TRAPPC11: variants seen among roughly 807,000 people sequenced by gnomAD.
TRAPPC11 encodes the protein foie gras homolog.
TRAPPC11 carries 104 observed loss-of-function variants against 151.2 expected under a neutral mutation model. The ratio of observed to expected loss-of-function variants is 0.69; its 90% CI spans 0.59 to 0.81. The LOEUF (loss-of-function observed/expected upper bound fraction) is 0.81, where lower values mean the gene tolerates loss of function less well. Among genes scored for constraint, TRAPPC11 ranks in the 30% least tolerant of loss-of-function variants. TRAPPC11 has a pLI of 0.00. For synonymous variants in TRAPPC11, 456 were observed against 472.3 expected, an observed-to-expected ratio of 0.97 and a Z score of 0.45; for missense variants, 1,230 against 1,349.6, an observed-to-expected ratio of 0.91 and a Z score of 1.39.
chr4:183,675,374 A>T, intron 7 of TRAPPC11, 137 bp downstream of exon 7: 1 of 432,656 alleles, frequency 2.3e-6, no homozygotes, highest in South Asian at 9.9e-5. Flanking sequence ...TAGTGTAGAG[A>T]TGAATGGAGT....
At position 183,697,483 on chromosome 4, in the gene TRAPPC11, C is replaced by T. The variant is rs2111077816; in HGVS notation, c.2629-20C>T. On this transcript the variant is annotated intron_variant, in intron 23 of 29. Transcript: ENST00000334690. ...AAGATTTAGAAAATCCATGAATGTG[C>T]CCTTTACATTTTCTTGCAGGATGAA... is the stretch of plus-strand genomic sequence containing the variant. 1 of 1,591,464 alleles carries T rather than the reference C, an allele frequency of 6.3e-7. No homozygotes were observed. Among genetic ancestry groups the T allele is most frequent in the Middle Eastern group, 1.7e-4 (1 of 5,990 alleles).
chr4:183,693,228 C>T (rs1160238648), intron 20 of TRAPPC11, 81 bp downstream of exon 20: 2 of 1,334,022 alleles, frequency 1.5e-6, no homozygotes, highest in African/African-American at 1.5e-5. Flanking sequence ...GAGTCTCTCT[C>T]TTGTCCAGGC....
chr4:183,684,987 G>A (rs914220970), intron 15 of TRAPPC11, 97 bp from the exon 16 acceptor site: 5 of 1,319,674 alleles, frequency 3.8e-6, no homozygotes, highest in Non-Finnish European at 5.3e-6. Flanking sequence ...ATCTTAAAGA[G>A]GTATTTATTA....
At chr4:183,703,648 A>C (rs973760779) in intron 26 of TRAPPC11, among the ~76,000 whole-genome samples, 4 of 152,058 alleles carry the variant, frequency 2.6e-5, no homozygotes, top group African/African-American at 9.7e-5. Context: ...AGGTGGGAGG[A>C]TCGCTGGAGC....
intron 27 of TRAPPC11, 98 bp from the exon 28 acceptor site, chr4:183,706,709 T>C: frequency 1.5e-6 from 2 of 1,323,976 alleles, no homozygotes; most frequent in Non-Finnish European, 2.1e-6. Context: ...TTAATTTAAA[T>C]GATACTATGT....
chr4:183,666,201 A>G (rs555151656), intron 2 of TRAPPC11, 56 bp from the exon 3 acceptor site: 1 of 1,535,884 alleles, frequency 6.5e-7, no homozygotes, highest in East Asian at 2.3e-5. Context: ...GGCACTCAGT[A>G]ACAGGTGGTT....
rs989405308 is a variant in TRAPPC11 at position 183,672,573 on chromosome 4, A to C, written c.561-2140A>C. 2.6e-5 allele frequency among the ~76,000 whole-genome samples: 4 copies of C among 152,220 alleles called. No individual in the cohort carries two copies. The East Asian group carries it at 5.8e-4, about 22-fold the overall frequency. ...TAAGCCTCAAATAATAAAGAAGTGTATGAATTAAAAAGTGGAAGCCTTACA... is the reference window on the plus strand; with the variant it reads ...TAAGCCTCAAATAATAAAGAAGTGTCTGAATTAAAAAGTGGAAGCCTTACA... On this transcript the variant is annotated intron_variant, in intron 5 of 29. Coordinates refer to ENST00000334690, the MANE Select transcript of TRAPPC11 (RefSeq NM_021942.6).
chr4:183,683,930 T>G, intron 11 of TRAPPC11, 45 bp from the exon 12 acceptor site: 1 of 1,469,136 alleles, frequency 6.8e-7, no homozygotes, highest in Non-Finnish European at 9.5e-7. Flanking sequence ...TGAAGATTTA[T>G]ATTAAATGAG....
At chr4:183,706,491 C>A (rs1337998881) in intron 27 of TRAPPC11, among the ~76,000 whole-genome samples, 1 of 151,496 alleles carries the variant, frequency 6.6e-6, no homozygotes, top group Non-Finnish European at 1.5e-5. Context: ...CCACTGCACT[C>A]CAGCCTGGGT....
chr4:183,677,674 C>T (rs1735481373), intron 8 of TRAPPC11, 120 bp downstream of exon 8: 2 of 645,220 alleles, frequency 3.1e-6, no homozygotes, highest in South Asian at 2.0e-5. Flanking sequence ...TAATTATGAT[C>T]TCCCCTTTTA....
chr4:183,660,653 G>A lies in TRAPPC11; in HGVS notation c.-22+1206G>A, dbSNP rs76953373. 4.8e-3 allele frequency among the ~76,000 whole-genome samples: 725 copies of A among 152,260 alleles called. 8 individuals carry two copies. Among genetic ancestry groups the A allele is most frequent in the African/African-American group, 0.017 (701 of 41,558 alleles). Reference sequence around the variant, plus strand: ...GCCTCTGGAGTTATTACAGGAAATGGCCTCTAGTCTAGACTCGTTCATATT... The same window carrying A: ...GCCTCTGGAGTTATTACAGGAAATGACCTCTAGTCTAGACTCGTTCATATT... On this transcript the variant is annotated intron_variant, in intron 1 of 29. Coordinates refer to ENST00000334690, the MANE Select transcript of TRAPPC11 (RefSeq NM_021942.6).
chr4:183,689,579 T>C (rs1354430897), intron 18 of TRAPPC11, among the ~76,000 whole-genome samples: 3 of 152,074 alleles, frequency 2.0e-5, no homozygotes, highest in South Asian at 4.2e-4. Context: ...CAGGGGTTTT[T>C]TTTGTTTGTT....
intron 20 of TRAPPC11, 55 bp downstream of exon 20, chr4:183,693,202 ATTT>A: frequency 6.8e-7 from 1 of 1,477,160 alleles, no homozygotes; most frequent in Non-Finnish European, 9.1e-7. Flanking sequence ...TTCTTTTGCT[ATTT>A]TTTTTGGAGA....
intron 27 of TRAPPC11, 54 bp from the exon 28 acceptor site, chr4:183,706,753 A>C (rs1737093803): frequency 7.0e-6 from 11 of 1,575,774 alleles, no homozygotes; most frequent in Non-Finnish European, 8.6e-6. Flanking sequence ...AAACGAAGCC[A>C]TAAGTGGGGA....
At chr4:183,664,321 T>C (rs1372736363) in intron 2 of TRAPPC11, among the ~76,000 whole-genome samples, 1 of 152,126 alleles carries the variant, frequency 6.6e-6, no homozygotes, top group African/African-American at 2.4e-5. Flanking sequence ...CCCTTTTTTG[T>C]TTTTAGGAAA....
At position 183,693,033 on chromosome 4, in the gene TRAPPC11, G is replaced by C; in HGVS notation, c.2123G>C (p.Gly708Ala). 1 of 1,613,770 alleles carries C rather than the reference G, an allele frequency of 6.2e-7. No individual in the cohort carries two copies. Among genetic ancestry groups the C allele is most frequent in the Non-Finnish European group, 8.5e-7 (1 of 1,179,834 alleles). ...GTTTTAAATTGGCAGGGAGGAGGAG[G>C]AGATGCTGCTTCCTCCCAAGAAGCC... The part of the protein sequence containing the change: ...CVVLNWQGGG[G>A]DAASSQEALQ... Residue 708 changes from glycine (G) to alanine (A), a missense_variant, in exon 20 of 30, where the codon GGA becomes GCA. By Grantham distance (60) the Gly-to-Ala change is moderately conservative. Coordinates refer to ENST00000334690, the MANE Select transcript of TRAPPC11 (RefSeq NM_021942.6).
intron 5 of TRAPPC11, among the ~76,000 whole-genome samples, chr4:183,670,825 G>A (rs137978296): frequency 2.0e-5 from 3 of 151,514 alleles, no homozygotes; most frequent in Admixed American, 6.6e-5. Flanking sequence ...TCACTCTGTC[G>A]CCCAGGCTGG....
At position 183,667,073 on chromosome 4, in the gene TRAPPC11, G is replaced by A; in HGVS notation, c.388G>A (p.Gly130Arg). ...TTTTCATTGCAGGCAAAGTTTACAA[G>A]GAAGAAACACAAAAGTTGCAGTGGT... Reference protein sequence around the residue: ...RVEIVRQSLQGRNTKVAVVLI... With the variant: ...RVEIVRQSLQRRNTKVAVVLI... Residue 130 changes from glycine to arginine, a missense_variant, in exon 4 of 30, where the codon GGA becomes AGA. Physicochemically the swap from Gly to Arg is moderately radical, Grantham distance 125. Coordinates refer to ENST00000334690, the MANE Select transcript of TRAPPC11 (RefSeq NM_021942.6). 1 of 1,595,188 alleles carries A rather than the reference G, an allele frequency of 6.3e-7. No individual in the cohort carries two copies.
chr4:183,708,867 G>A (rs1452148191), intron 29 of TRAPPC11, among the ~76,000 whole-genome samples: 1 of 152,066 alleles, frequency 6.6e-6, no homozygotes, highest in East Asian at 1.9e-4. Context: ...TTTGTAACTA[G>A]TATTTCATCA....
Sources: allele counts gnomAD v4.1 joint callset (sites outside exome capture counted in the v4.1 genomes callset), GRCh38; gene constraint gnomAD v4.1.1; transcripts MANE v1.5; gene names NCBI Gene and HGNC (gene_info 2026-07-23, HGNC 2026-07-21).